MYO1G: variants seen among roughly 807,000 people sequenced by gnomAD.
MYO1G encodes the protein unconventional myosin-Ig.
Under a neutral mutation model 115.3 loss-of-function variants are expected in MYO1G, and 65 were observed. The observed-to-expected ratio is 0.56, with a 90% CI of 0.46 to 0.69. The LOEUF (loss-of-function observed/expected upper bound fraction) is 0.69, where lower values mean the gene tolerates loss of function less well. Ranked by LOEUF, MYO1G falls within the 30% of genes least tolerant of loss-of-function variation. The pLI, the probability that MYO1G is intolerant of heterozygous loss-of-function variation, is 0.00. For missense variants in MYO1G, 1,204 were observed against 1,393.5 expected, an observed-to-expected ratio of 0.86 and a Z score of 2.16; for synonymous variants, 510 against 552.6, an observed-to-expected ratio of 0.92 and a Z score of 1.08.
At chr7:44,978,243 G>A (rs866658159) in intron 1 of MYO1G, among the ~76,000 whole-genome samples, 16 of 152,124 alleles carry the variant, frequency 1.1e-4, no homozygotes, top group African/African-American at 3.6e-4. Context: ...CCTACCTCCC[G>A]GGCTTCTCCC....
intron 12 of MYO1G, chr7:44,968,504 ATT>A (rs11322671): frequency 0.32 from 45,314 of 140,838 alleles, 7,372 homozygotes; most frequent in East Asian, 0.6. Context: ...CAGGGAATGG[ATT>A]TTTTTTTTTT....
chr7:44,966,575 T>A lies in MYO1G; in HGVS notation c.1949+97A>T, dbSNP rs768644519. On this transcript the variant is annotated intron_variant, in intron 15 of 21. Coordinates refer to ENST00000258787, the MANE Select transcript of MYO1G (RefSeq NM_033054.3). This position sits in a 1 kb window ranked among gnomAD's most constrained non-coding sequence, Gnocchi z 5.0. ...GCGTGCTGGTTCCTGCTTGTATCGA[T>A]GTTTGCGACGTGCTGTTTGGGGACC... 5.5e-6 allele frequency: 8 copies of A among 1,458,358 alleles called. No homozygotes were observed. Among genetic ancestry groups the A allele is most frequent in the Non-Finnish European group, 6.7e-6 (7 of 1,045,634 alleles). The allele number at this position is 1,458,358 out of a possible 1,614,324, so 90.3% of individuals were successfully genotyped here. A position where few individuals can be genotyped will look rare whatever the true frequency, so the allele number is the denominator to read the frequency against.
chr7:44,976,404 G>A (rs1298088311), intron 3 of MYO1G, among the ~76,000 whole-genome samples, 160 bp downstream of exon 3: 3 of 152,272 alleles, frequency 2.0e-5, no homozygotes, highest in South Asian at 2.1e-4. Flanking sequence ...TCTCACCTCC[G>A]GGTGTGTTGG....
intron 9 of MYO1G, 109 bp downstream of exon 9, chr7:44,970,483 G>A (rs556272504): frequency 4.5e-5 from 66 of 1,454,202 alleles, no homozygotes; most frequent in African/African-American, 2.0e-4. Context: ...GGGACCAGCC[G>A]GGAGAAACCC....
chr7:44,973,533 A>C (rs1037057360), intron 5 of MYO1G: 1 of 151,452 alleles, frequency 6.6e-6, no homozygotes, highest in Non-Finnish European at 1.5e-5. Flanking sequence ...CCATGCTCCA[A>C]AGAGCTCCAT....
Position 44,965,630 on chromosome 7 carries a change from G to A in MYO1G, c.2381+7C>T, listed in dbSNP as rs373236475. 6.2e-6 allele frequency: 10 copies of A among 1,611,026 alleles called. No homozygotes were observed. Among genetic ancestry groups the A allele is most frequent in the Middle Eastern group, 1.7e-4 (1 of 6,056 alleles). ...GAATGGAATGTGTGGTGGGCTGAGA[G>A]TAGTACCTGCAGAAGAGTGCGTGGC... On this transcript the variant is annotated splice_region_variant and intron_variant, in intron 17 of 21. Transcript: ENST00000258787.
At position 44,962,972 on chromosome 7, in the gene MYO1G, CT is replaced by C. The variant is rs1794775051; in HGVS notation, c.2897del (p.Gln966ArgfsTer17). The C allele has an allele frequency of 6.5e-7, 1 of 1,532,724 alleles. No homozygotes were observed. The allele number at this position is 1,532,724 out of a possible 1,614,324, so 94.9% of individuals were successfully genotyped here. On this transcript the variant is annotated frameshift_variant, in exon 21 of 22. Coordinates refer to ENST00000258787, the MANE Select transcript of MYO1G (RefSeq NM_033054.3). LOFTEE classifies it high-confidence loss of function. This position sits in a 1 kb window ranked among gnomAD's most constrained non-coding sequence, Gnocchi z 5.3. Reference sequence around the variant, plus strand: ...GCTACCGCCCAGCCTGCACTCACCCCTGGCAGTGTGCGGCCAGCACGCCCAC... The same window carrying C: ...GCTACCGCCCAGCCTGCACTCACCCCGGCAGTGTGCGGCCAGCACGCCCAC... ...ELVGVLAAHC[Q>X]GEGRTLEVRV...
chr7:44,972,701 ACCT>A (rs1418573887), intron 5 of MYO1G: 1 of 174,750 alleles, frequency 5.7e-6, no homozygotes, highest in Non-Finnish European at 1.2e-5. Context: ...GGAAGCTCCC[ACCT>A]CAGTAGGGAG....
rs1795025911 is a variant in MYO1G, at chr7:44,975,196, C to G, written c.596G>C (p.Arg199Thr). 1 of 1,614,084 alleles carries G rather than the reference C, an allele frequency of 6.2e-7. No homozygotes were observed. The highest frequency in any genetic ancestry group is 1.3e-5 in the African/African-American group (1 of 75,038). The change falls in exon 5 of 22, where the codon AGA becomes ACA. Residue 199 changes from arginine to threonine, a missense_variant. Physicochemically the swap from Arg to Thr is moderately conservative, Grantham distance 71. Transcript: ENST00000258787. ...TACTTGGTAGAAGGCGTGGAAGTTT[C>G]TTTCACCCACGTGCTGCTTGAGGAC... is the stretch of plus-strand genomic sequence containing the variant. ...SRVLKQHVGERNFHAFYQLLR... is the reference protein window; with the variant it reads ...SRVLKQHVGETNFHAFYQLLR...
rs1269762882 is a variant in MYO1G at position 44,975,647 on chromosome 7, A to T, written c.401T>A (p.Val134Asp). The T allele has an allele frequency of 1.9e-6, 3 of 1,605,812 alleles. No individual in the cohort carries two copies. The African/African-American group carries it at 4.0e-5, about 21-fold the overall frequency. The change falls in exon 4 of 22, where the codon GTC becomes GAC. Residue 134 changes from valine to aspartate, a missense_variant and splice_region_variant. Transcript: ENST00000258787. ...GGTGGACTTGAGCAGCACGTCCTTGACCCTGTCAGGGCAGAGGGGCTGGGT... is the reference window on the plus strand; with the variant it reads ...GGTGGACTTGAGCAGCACGTCCTTGTCCCTGTCAGGGCAGAGGGGCTGGGT... ...NPSQRAEVER[V>D]KDVLLKSTCV...
Position 44,966,849 on chromosome 7 carries a change from A to C in MYO1G, c.1783-11T>G, listed in dbSNP as rs1165953880. The C allele has an allele frequency of 6.3e-7, 1 of 1,595,646 alleles. No homozygotes were observed. The highest frequency in any genetic ancestry group is 1.7e-5 in the Admixed American group (1 of 58,872). ...GACGTAGAAGGGCTCCTGCAGGGAC[A>C]GAGGGGACTTGGAGAGGGTCTGCGC... On this transcript the variant is annotated splice_polypyrimidine_tract_variant and intron_variant, in intron 14 of 21. Transcript: ENST00000258787. This position sits in a 1 kb window ranked among gnomAD's most constrained non-coding sequence, Gnocchi z 5.0.
At position 44,966,107 on chromosome 7, in the gene MYO1G, C is replaced by T. The variant is rs746489100; in HGVS notation, c.2123G>A (p.Arg708His). 8.7e-6 allele frequency: 14 copies of T among 1,612,866 alleles called. No homozygotes were observed. Among genetic ancestry groups the T allele is most frequent in the South Asian group, 2.2e-5 (2 of 91,068 alleles). Residue 708 changes from arginine to histidine, a missense_variant, in exon 16 of 22, where the codon CGC (arginine) becomes CAC (histidine). By Grantham distance (29) the Arg-to-His change is conservative. Coordinates refer to ENST00000258787, the MANE Select transcript of MYO1G (RefSeq NM_033054.3). This position sits in a 1 kb window ranked among gnomAD's most constrained non-coding sequence, Gnocchi z 5.0. ...TLVTLEQSRA[R>H]LIPIIVLLLQ... ...TAGCAGCACAATGATGGGGATGAGGCGGGCTCGGCTCTGCTCCAGTGTGAC... is the reference window on the plus strand; with the variant it reads ...TAGCAGCACAATGATGGGGATGAGGTGGGCTCGGCTCTGCTCCAGTGTGAC...
chr7:44,973,341 G>C (rs1358563388), intron 5 of MYO1G: 1 of 152,152 alleles, frequency 6.6e-6, no homozygotes, highest in African/African-American at 2.4e-5. Context: ...AGTCCAAGGA[G>C]ATAGTGCCCC....
Position 44,970,586 on chromosome 7 carries a change from A to G in MYO1G, c.1217+6T>C. 2.5e-6 allele frequency: 4 copies of G among 1,612,388 alleles called. No homozygotes were observed. Among genetic ancestry groups the G allele is most frequent in the Non-Finnish European group, 2.5e-6 (3 of 1,179,732 alleles). On this transcript the variant is annotated splice_donor_region_variant and intron_variant, in intron 9 of 21. Transcript: ENST00000258787. The stretch of plus-strand genomic sequence containing the variant: ...GAGGTGGAGATGTGGCTGGCCAGCC[A>G]CCCACCTGTTGACGGGAAACACCTC...
chr7:44,966,987 A>G lies in MYO1G; in HGVS notation c.1783-149T>C. On this transcript the variant is annotated intron_variant, in intron 14 of 21. Transcript: ENST00000258787. The surrounding 1 kb of genome is among the most constrained non-coding windows in gnomAD (Gnocchi z 5.0). ...GAAATCAGCAGAACAAGGGCCCTGGAAGCCCTAAGTGCTGGGCAGAGGCCA... is the reference window on the plus strand; with the variant it reads ...GAAATCAGCAGAACAAGGGCCCTGGGAGCCCTAAGTGCTGGGCAGAGGCCA... 2 of 921,970 alleles carry G rather than the reference A, an allele frequency of 2.2e-6. No individual in the cohort carries two copies. The highest frequency in any genetic ancestry group is 3.2e-6 in the Non-Finnish European group (2 of 617,782). 57.1% of individuals were successfully genotyped at this position (921,970 alleles called of 1,614,324 possible). A position where few individuals can be genotyped will look rare whatever the true frequency, so the allele number is the denominator to read the frequency against.
chr7:44,968,284 T>C (rs1195581268), intron 12 of MYO1G, among the ~76,000 whole-genome samples: 1 of 152,176 alleles, frequency 6.6e-6, no homozygotes, highest in African/African-American at 2.4e-5. Flanking sequence ...CCACTCAACC[T>C]CTCTGTGCTT....
At position 44,975,642 on chromosome 7, in the gene MYO1G, C is replaced by T. The variant is rs1795036030; in HGVS notation, c.406G>A (p.Asp136Asn). 1 of 1,607,406 alleles carries T rather than the reference C, an allele frequency of 6.2e-7. No homozygotes were observed. ...ACACAGGTGGACTTGAGCAGCACGT[C>T]CTTGACCCTGTCAGGGCAGAGGGGC... ...SQRAEVERVK[D>N]VLLKSTCVLE... is the part of the protein sequence containing the mutation. Residue 136 changes from aspartate (D) to asparagine (N), a missense_variant, in exon 4 of 22, where the codon GAC (aspartate) becomes AAC (asparagine). By Grantham distance (23) the Asp-to-Asn change is conservative. Transcript: ENST00000258787.
At chr7:44,972,372 C>G in intron 5 of MYO1G, 147 bp from the exon 6 acceptor site, 2 of 638,798 alleles carry the variant, frequency 3.1e-6, no homozygotes, top group Non-Finnish European at 5.6e-6. Context: ...TGAACAGTTT[C>G]TGTGTGCCAG....
rs1215495179 is a variant in MYO1G at position 44,966,810 on chromosome 7, G to A, written c.1811C>T (p.Pro604Leu). The change falls in exon 15 of 22, where the codon CCC becomes CTC. Residue 604 changes from proline (P) to leucine (L), a missense_variant. Physicochemically the swap from Pro to Leu is moderately conservative, Grantham distance 98. Coordinates refer to ENST00000258787, the MANE Select transcript of MYO1G (RefSeq NM_033054.3). The surrounding 1 kb of genome is among the most constrained non-coding windows in gnomAD (Gnocchi z 5.0). ...KEPFYVRCIK[P>L]NEDKVAGKLD... ...CTTCCCAGCTACCTTGTCCTCATTGGGCTTGATGCAGCGGACGTAGAAGGG... is the reference window on the plus strand; with the variant it reads ...CTTCCCAGCTACCTTGTCCTCATTGAGCTTGATGCAGCGGACGTAGAAGGG... 4 of 1,612,094 alleles carry A rather than the reference G, an allele frequency of 2.5e-6. No homozygotes were observed. In the Admixed American group the frequency reaches 6.7e-5, roughly 27 times the overall value.
Sources: gnomAD v4.1 joint callset for allele counts (sites outside exome capture counted in the v4.1 genomes callset) on GRCh38, gnomAD v4.1.1 for gene constraint, Gnocchi (gnomAD v3.1) non-coding constraint, MANE v1.5 for transcripts, NCBI Gene and HGNC (gene_info 2026-07-23, HGNC 2026-07-21) for gene names.